Variants in EXOSC2 observed in about 807,000 individuals in gnomAD.
EXOSC2 encodes exosome complex component RRP4.
EXOSC2 carries 29 observed loss-of-function variants against 37.6 expected under a neutral mutation model. The ratio of observed to expected loss-of-function variants is 0.77; its 90% CI spans 0.57 to 1.05. EXOSC2 has a LOEUF of 1.05. Ranked by LOEUF, EXOSC2 falls within the 50% of genes least tolerant of loss-of-function variation. The pLI, the probability that EXOSC2 is intolerant of heterozygous loss-of-function variation, is 0.00. For synonymous variants in EXOSC2, 119 were observed against 131.1 expected (o/e 0.91, Z 0.63); for missense variants, 346 against 365.6 (o/e 0.95, Z 0.44).
chr9:130,696,791 G>A (rs1831106025), intron 2 of EXOSC2, among the ~76,000 whole-genome samples: 1 of 152,142 alleles, frequency 6.6e-6, no homozygotes, highest in South Asian at 2.1e-4. Flanking sequence ...GTCCTGGAGC[G>A]TGAGAGAGAG....
intron 5 of EXOSC2, 78 bp from the exon 6 acceptor site, chr9:130,700,789 G>A (rs1831198194): frequency 1.5e-6 from 2 of 1,333,122 alleles, no homozygotes; most frequent in Admixed American, 3.5e-5. Context: ...TGGAGGTGTG[G>A]GGTCAAGGGG....
At chr9:130,700,750 C>A in intron 5 of EXOSC2, 117 bp from the exon 6 acceptor site, 1 of 830,920 alleles carries the variant, frequency 1.2e-6, no homozygotes, top group Admixed American at 2.1e-5. Flanking sequence ...GATTGTTGAG[C>A]CTGGACCATT....
At chr9:130,702,455 A>G in intron 7 of EXOSC2, 145 bp downstream of exon 7, 1 of 652,850 alleles carries the variant, frequency 1.5e-6, no homozygotes, top group Middle Eastern at 4.2e-4. Context: ...TATGTTCATG[A>G]AGCCCATATT....
intron 6 of EXOSC2, chr9:130,701,481 TCTC>T (rs1428968594): frequency 2.2e-6 from 1 of 460,910 alleles, no homozygotes; most frequent in African/African-American, 2.1e-5. Flanking sequence ...GATTTACTAG[TCTC>T]TTAGCTTTAT....
intron 7 of EXOSC2, 143 bp downstream of exon 7, chr9:130,702,453 T>C: frequency 1.5e-6 from 1 of 658,206 alleles, no homozygotes; most frequent in Non-Finnish European, 2.6e-6. Context: ...GGTATGTTCA[T>C]GAAGCCCATA....
intron 1 of EXOSC2, 52 bp downstream of exon 1, chr9:130,693,965 T>C: frequency 1.9e-6 from 3 of 1,550,182 alleles, no homozygotes; most frequent in Non-Finnish European, 2.6e-6. Context: ...TTCAGGGCTC[T>C]CTGCACGTGG....
chr9:130,701,100 C>T (rs1015471530), intron 6 of EXOSC2, 165 bp downstream of exon 6: 18 of 640,702 alleles, frequency 2.8e-5, no homozygotes, highest in African/African-American at 3.7e-5. Flanking sequence ...AACATCAGGA[C>T]GGTCAGGGTT....
rs754847503 is a variant in EXOSC2 at position 130,701,962 on chromosome 9, G to A, written c.496-172G>A. 4.1e-5 allele frequency: 58 copies of A among 1,423,624 alleles called. 1 individual carries two copies. The Middle Eastern group carries it at 7.8e-4, about 19-fold the overall frequency. The allele number at this position is 1,423,624 out of a possible 1,614,324, so 88.2% of individuals were successfully genotyped here. A position where few individuals can be genotyped will look rare whatever the true frequency, so the allele number is the denominator to read the frequency against. ...GCTGGGATGTATGAATAGCCTCTGA[G>A]TCCCAAAGCGTTCTCTGCAAAAATG... On this transcript the variant is annotated intron_variant, in intron 6 of 8. Transcript: ENST00000372358.
rs754145289 is a variant in EXOSC2, at chr9:130,698,226, C to G, written c.335C>G (p.Ser112Cys). 24 of 1,614,024 alleles carry G rather than the reference C, an allele frequency of 1.5e-5. No homozygotes were observed. In the South Asian group the frequency reaches 2.6e-4, roughly 18 times the overall value. The change falls in exon 4 of 9, where the codon TCC (serine) becomes TGC (cysteine). Residue 112 changes from serine to cysteine, a missense_variant. Transcript: ENST00000372358. This position sits in a 1 kb window ranked among gnomAD's most constrained non-coding sequence, Gnocchi z 4.1. The part of the protein sequence containing the change: ...SRLDSVLLLS[S>C]MNLPGGELRR... ...CTGGATTCGGTCTTGCTGCTCTCGT[C>G]CATGAACCTTCCTGGAGGAGAGCTG...
At position 130,702,296 on chromosome 9, in the gene EXOSC2, A is replaced by T. The variant is rs751394088; in HGVS notation, c.658A>T (p.Ile220Phe). The T allele has an allele frequency of 4.3e-6, 7 of 1,613,910 alleles. No individual in the cohort carries two copies. The South Asian group carries it at 6.6e-5, about 15-fold the overall frequency. Residue 220 changes from isoleucine (I) to phenylalanine (F), a missense_variant, in exon 7 of 9, where the codon ATT becomes TTT. Coordinates refer to ENST00000372358, the MANE Select transcript of EXOSC2 (RefSeq NM_014285.7). ...EHKEEEAGGF[I>F]ANLEPVSLAD... ...CAAAGAAGAGGAAGCAGGGGGCTTC[A>T]TTGCAAACCTGGAGGTGAGCAAACA...
At position 130,702,132 on chromosome 9, in the gene EXOSC2, A is replaced by G; in HGVS notation, c.496-2A>G. 1 of 1,613,390 alleles carries G rather than the reference A, an allele frequency of 6.2e-7. No homozygotes were observed. The highest frequency in any genetic ancestry group is 8.5e-7 in the Non-Finnish European group (1 of 1,179,800). ...ACCTAGCTTCGTGATATATTTCTTT[A>G]GCTAGGTCAGGGGGTTTTGGTCCAG... On this transcript the variant is annotated splice_acceptor_variant, in intron 6 of 8. Coordinates refer to ENST00000372358, the MANE Select transcript of EXOSC2 (RefSeq NM_014285.7). LOFTEE classifies it high-confidence loss of function.
chr9:130,693,991 C>G, intron 1 of EXOSC2, 78 bp downstream of exon 1: 1 of 1,487,750 alleles, frequency 6.7e-7, no homozygotes, highest in Non-Finnish European at 9.0e-7. Flanking sequence ...GCCTCGTATC[C>G]CTGTGTGTGT....
chr9:130,697,112 C>T (rs1831113191), intron 2 of EXOSC2, among the ~76,000 whole-genome samples: 1 of 152,132 alleles, frequency 6.6e-6, no homozygotes, highest in African/African-American at 2.4e-5. Context: ...AGGACTTAGC[C>T]TCAGCACTGA....
intron 5 of EXOSC2, among the ~76,000 whole-genome samples, chr9:130,700,361 ATTTATTTATTTT>A (rs1178351043): frequency 7.0e-6 from 1 of 142,278 alleles, no homozygotes; most frequent in African/African-American, 2.6e-5. Context: ...TTATTTATTT[ATTTATTTATTTT>A]TTTGAGACGG....
chr9:130,698,399 G>T lies in EXOSC2; in HGVS notation c.360+148G>T. The T allele has an allele frequency of 1.5e-6, 1 of 651,658 alleles. No individual in the cohort carries two copies. Among genetic ancestry groups the T allele is most frequent in the Non-Finnish European group, 2.7e-6 (1 of 376,718 alleles). 40.4% of individuals were successfully genotyped at this position (651,658 alleles called of 1,614,324 possible). ...GCTGTGAAGTTTGCTGCCTAGATGT[G>T]TATGTAGACTTTTCACCCTGTCCAG... is the stretch of plus-strand genomic sequence containing the variant. On this transcript the variant is annotated intron_variant, in intron 4 of 8. Transcript: ENST00000372358. This position sits in a 1 kb window ranked among gnomAD's most constrained non-coding sequence, Gnocchi z 4.1.
intron 5 of EXOSC2, 52 bp from the exon 6 acceptor site, chr9:130,700,815 C>G: frequency 6.4e-7 from 1 of 1,567,358 alleles, no homozygotes; most frequent in Non-Finnish European, 8.8e-7. Flanking sequence ...CTGCAGAGGA[C>G]AGGACAGTGT....
Position 130,695,967 on chromosome 9 carries a change from TCTC to T in EXOSC2, c.224+377_224+379del, listed in dbSNP as rs575564910. Among the ~76,000 whole-genome samples, 464 of 151,490 alleles carry T rather than the reference TCTC, an allele frequency of 3.1e-3. 3 individuals carry two copies. The highest frequency in any genetic ancestry group is 6.5e-3 in the Admixed American group (98 of 15,166). ...CCTTCGCCTCCCGGGTTCAAACAAT[TCTC>T]CTTCTTCAGCCTCCCGAGTAGCTGG... On this transcript the variant is annotated intron_variant, in intron 2 of 8. Coordinates refer to ENST00000372358, the MANE Select transcript of EXOSC2 (RefSeq NM_014285.7).
chr9:130,699,546 A>C (rs1831167157), intron 5 of EXOSC2, 152 bp downstream of exon 5: 2 of 761,870 alleles, frequency 2.6e-6, no homozygotes, highest in Non-Finnish European at 4.5e-6. Context: ...ATCCTTTCTC[A>C]GTCTCCTTAA....
intron 6 of EXOSC2, chr9:130,701,326 A>T (rs2132640363): frequency 5.4e-6 from 1 of 183,600 alleles, no homozygotes; most frequent in Non-Finnish European, 1.1e-5. Context: ...ACAAACGTCC[A>T]ATCAGTCCAG....
Sources: gnomAD v4.1 joint callset for allele counts (sites outside exome capture counted in the v4.1 genomes callset) on GRCh38, gnomAD v4.1.1 for gene constraint, Gnocchi (gnomAD v3.1) non-coding constraint, MANE v1.5 for transcripts, NCBI Gene and HGNC (gene_info 2026-07-23, HGNC 2026-07-21) for gene names.